Variants in PTPRM observed in about 807,000 individuals in gnomAD.
PTPRM encodes receptor-type tyrosine-protein phosphatase mu.
PTPRM carries 47 observed loss-of-function variants against 186.7 expected under a neutral mutation model. That is an observed-to-expected ratio of 0.25 (90% CI 0.20 to 0.32). The LOEUF (loss-of-function observed/expected upper bound fraction) is 0.32, where lower values mean the gene tolerates loss of function less well. Ranked by LOEUF, PTPRM falls within the 10% of genes least tolerant of loss-of-function variation. The probability of loss-of-function intolerance (pLI) is 1.00; values close to 1 mark genes in which losing one functional copy is unlikely to be tolerated. For missense variants in PTPRM, 1,494 were observed against 1,865.0 expected, an observed-to-expected ratio of 0.80 and a Z score of 3.66; for synonymous variants, 668 against 674.9, an observed-to-expected ratio of 0.99 and a Z score of 0.16.
chr18:7,680,123 C>G (rs574453305), intron 1 of PTPRM, among the ~76,000 whole-genome samples: 2 of 152,308 alleles, frequency 1.3e-5, no homozygotes, highest in Admixed American at 1.3e-4. Flanking sequence ...ACCTCAGCCT[C>G]CCAAAGTGCT....
chr18:8,280,879 G>T (rs1035233449), intron 19 of PTPRM, among the ~76,000 whole-genome samples: 1 of 152,102 alleles, frequency 6.6e-6, no homozygotes, highest in African/African-American at 2.4e-5. Flanking sequence ...GGGGATGCAG[G>T]CCCCCTCTTC....
chr18:7,864,461 C>A (rs143342756), intron 2 of PTPRM, among the ~76,000 whole-genome samples: 3,875 of 152,278 alleles, frequency 0.025, 65 homozygotes, highest in Non-Finnish European at 0.038. Context: ...GGAATCCTTT[C>A]CCCATTGCTT....
At chr18:7,592,601 A>C (rs910952988) in intron 1 of PTPRM, among the ~76,000 whole-genome samples, 10 of 152,218 alleles carry the variant, frequency 6.6e-5, no homozygotes, top group Non-Finnish European at 1.5e-4. Flanking sequence ...CAGAAACATA[A>C]GAGGAAGAGG....
At chr18:8,083,276 T>C (rs2090244091) in intron 9 of PTPRM, among the ~76,000 whole-genome samples, 1 of 152,162 alleles carries the variant, frequency 6.6e-6, no homozygotes, top group Non-Finnish European at 1.5e-5. Context: ...TCCAAACTTT[T>C]TATCTTGGGG....
At chr18:7,763,287 G>A (rs2041865068) in intron 1 of PTPRM, among the ~76,000 whole-genome samples, 1 of 152,210 alleles carries the variant, frequency 6.6e-6, no homozygotes, top group Non-Finnish European at 1.5e-5. Flanking sequence ...GGAGATGGAA[G>A]GAGCAGAGGC....
intron 1 of PTPRM, among the ~76,000 whole-genome samples, chr18:7,624,916 T>G (rs2038023806): frequency 6.6e-6 from 1 of 152,164 alleles, no homozygotes; most frequent in Non-Finnish European, 1.5e-5. Context: ...GTAGTGAGCC[T>G]GGTGTGTGTG....
chr18:8,002,377 G>T (rs745386622), intron 7 of PTPRM, among the ~76,000 whole-genome samples: 1 of 152,188 alleles, frequency 6.6e-6, no homozygotes, highest in Non-Finnish European at 1.5e-5. Flanking sequence ...CTGAATGCAT[G>T]CTAGCTCTTG....
intron 14 of PTPRM, among the ~76,000 whole-genome samples, chr18:8,156,271 AAG>A (rs1257217404): frequency 6.6e-6 from 1 of 152,222 alleles, no homozygotes; most frequent in African/African-American, 2.4e-5. Context: ...ATTTTAAAAA[AAG>A]AGTGTGGGGA....
intron 1 of PTPRM, among the ~76,000 whole-genome samples, chr18:7,662,116 TG>T (rs59041098): frequency 0.17 from 26,012 of 152,048 alleles, 3,449 homozygotes; most frequent in African/African-American, 0.37. Context: ...TTGTATTTTT[TG>T]TAGAGATGAG....
At chr18:7,622,599 T>G (rs1407734301) in intron 1 of PTPRM, among the ~76,000 whole-genome samples, 1 of 152,146 alleles carries the variant, frequency 6.6e-6, no homozygotes, top group African/African-American at 2.4e-5. Context: ...AGAGATGCTG[T>G]CCTGTGGAAC....
chr18:7,928,493 T>C (rs1214350763), intron 5 of PTPRM, among the ~76,000 whole-genome samples: 1 of 152,236 alleles, frequency 6.6e-6, no homozygotes, highest in Non-Finnish European at 1.5e-5. Context: ...AGATTGGCCA[T>C]CTGTGGTAAT....
chr18:8,165,854 C>T (rs1442897709), intron 14 of PTPRM, among the ~76,000 whole-genome samples: 1 of 152,150 alleles, frequency 6.6e-6, no homozygotes, highest in Non-Finnish European at 1.5e-5. Context: ...GCAGTTCCCC[C>T]CTTATGGGCT....
In PTPRM at chr18:7,567,954, C is replaced by G; in HGVS notation, c.73+63C>G. 1 of 1,468,180 alleles carries G rather than the reference C, an allele frequency of 6.8e-7. No individual in the cohort carries two copies. Among genetic ancestry groups the G allele is most frequent in the Non-Finnish European group, 9.0e-7 (1 of 1,109,054 alleles). 90.9% of individuals were successfully genotyped at this position (1,468,180 alleles called of 1,614,324 possible). On this transcript the variant is annotated intron_variant, in intron 1 of 32. Coordinates refer to ENST00000580170, the MANE Select transcript of PTPRM (RefSeq NM_001105244.2). The surrounding 1 kb of genome is among the most constrained non-coding windows in gnomAD (Gnocchi z 4.3). ...GGCCGGCGCGGGACGCCCGGGACGC[C>G]GACAGCTCCCTGGTGGTAGAGCCCT... is the stretch of plus-strand genomic sequence containing the variant.
At chr18:8,287,570 T>A (rs1287923264) in intron 19 of PTPRM, among the ~76,000 whole-genome samples, 1 of 152,198 alleles carries the variant, frequency 6.6e-6, no homozygotes, top group East Asian at 1.9e-4. Context: ...AGCAGCTGAA[T>A]TTCCACAAAA....
chr18:7,966,304 C>T (rs56076726), intron 7 of PTPRM, among the ~76,000 whole-genome samples: 5,591 of 152,166 alleles, frequency 0.037, 155 homozygotes, highest in Non-Finnish European at 0.05. Flanking sequence ...ATGTTATTAC[C>T]ATTGTGGAAT....
chr18:8,018,490 A>G (rs1942960), intron 7 of PTPRM, among the ~76,000 whole-genome samples: 94,825 of 151,910 alleles, frequency 0.62, 29,810 homozygotes, highest in African/African-American at 0.67. Flanking sequence ...GCTGATGGAC[A>G]GGAAATGAAA....
At chr18:7,920,355 G>T (rs187417275) in intron 4 of PTPRM, among the ~76,000 whole-genome samples, 1 of 151,798 alleles carries the variant, frequency 6.6e-6, no homozygotes, top group East Asian at 1.9e-4. Flanking sequence ...ATCTATTATA[G>T]GTTTTTGCAT....
chr18:7,889,100 T>C (rs908131680), intron 3 of PTPRM, among the ~76,000 whole-genome samples: 5 of 152,128 alleles, frequency 3.3e-5, no homozygotes, highest in African/African-American at 1.2e-4. Flanking sequence ...CTGTTCCTCC[T>C]GAATCTGCAA....
At chr18:7,773,712 C>T (rs2042445305) in intron 1 of PTPRM, among the ~76,000 whole-genome samples, 1 of 151,998 alleles carries the variant, frequency 6.6e-6, no homozygotes, top group African/African-American at 2.4e-5. Flanking sequence ...TCCTGAGTAG[C>T]TGGGATTACA....
Sources: allele counts gnomAD v4.1 joint callset (sites outside exome capture counted in the v4.1 genomes callset), GRCh38; gene constraint gnomAD v4.1.1; non-coding constraint Gnocchi (gnomAD v3.1); transcripts MANE v1.5; gene names NCBI Gene and HGNC (gene_info 2026-07-23, HGNC 2026-07-21).